TYW1: variants seen among roughly 807,000 people sequenced by gnomAD.
TYW1 encodes S-adenosyl-L-methionine-dependent tRNA 4-demethylwyosine synthase TYW1.
In TYW1, 46 loss-of-function variants were observed where a neutral mutation model predicts 96.2. The ratio of observed to expected loss-of-function variants is 0.48; its 90% CI spans 0.38 to 0.61. The LOEUF is 0.61. Ranked by LOEUF, TYW1 falls within the 20% of genes least tolerant of loss-of-function variation. TYW1 has a pLI of 0.00. For missense variants in TYW1, 684 were observed against 909.6 expected (o/e 0.75, Z 3.19); for synonymous variants, 274 against 323.0 (o/e 0.85, Z 1.63).
In TYW1 at chr7:67,038,128, C is replaced by A. The variant is rs528680874; in HGVS notation, c.985-11821C>A. On this transcript the variant is annotated intron_variant, in intron 7 of 15. Transcript: ENST00000359626. The stretch of plus-strand genomic sequence containing the variant: ...CCAGCCTGGCTAACATGGTGAAACC[C>A]TGTCTCTACTAAAAAAATATAAAAA... 9.4e-4 allele frequency among the ~76,000 whole-genome samples: 143 copies of A among 151,652 alleles called. 1 individual carries two copies. The highest frequency in any genetic ancestry group is 3.3e-3 in the African/African-American group (138 of 41,382).
At chr7:67,222,802 C>T (rs1801433261) in intron 15 of TYW1, among the ~76,000 whole-genome samples, 1 of 151,360 alleles carries the variant, frequency 6.6e-6, no homozygotes, top group Non-Finnish European at 1.5e-5. Context: ...TCTGAGATTG[C>T]CACGTGCAAA....
intron 13 of TYW1, among the ~76,000 whole-genome samples, chr7:67,148,454 G>T (rs1346900468): frequency 2.8e-5 from 4 of 140,678 alleles, no homozygotes; most frequent in Non-Finnish European, 3.0e-5. Flanking sequence ...TTGAGATGGA[G>T]TCTTGCTGTC....
intron 15 of TYW1, among the ~76,000 whole-genome samples, chr7:67,215,167 CCTGT>C (rs1329066788): frequency 6.6e-6 from 1 of 150,854 alleles, no homozygotes; most frequent in Admixed American, 6.6e-5. Context: ...CTCACCTCCA[CCTGT>C]CTGTCTGTCT....
chr7:67,030,878 G>C (rs1479434935), intron 7 of TYW1, among the ~76,000 whole-genome samples: 5 of 151,710 alleles, frequency 3.3e-5, no homozygotes, highest in Non-Finnish European at 5.9e-5. Context: ...ATGAATGAAC[G>C]TAATAGATTA....
At chr7:67,158,031 A>T (rs1171097824) in intron 13 of TYW1, among the ~76,000 whole-genome samples, 3 of 147,986 alleles carry the variant, frequency 2.0e-5, no homozygotes, top group Admixed American at 6.7e-5. Flanking sequence ...TTTTCTGTAG[A>T]TATTTTTTAT....
At chr7:66,997,108 C>T (rs1793193824) in intron 1 of TYW1, 126 bp downstream of exon 1, 3 of 1,534,514 alleles carry the variant, frequency 2.0e-6, no homozygotes, top group East Asian at 2.4e-5. Flanking sequence ...TTGACAGCAC[C>T]GGCTAGTCGC....
At chr7:67,214,628 A>G (rs896585591) in intron 15 of TYW1, among the ~76,000 whole-genome samples, 3 of 152,202 alleles carry the variant, frequency 2.0e-5, no homozygotes, top group African/African-American at 7.2e-5. Flanking sequence ...TGATGTTAGC[A>G]GAAGGCTTTT....
At chr7:67,097,859 T>G (rs1796967659) in intron 11 of TYW1, among the ~76,000 whole-genome samples, 1 of 75,548 alleles carries the variant, frequency 1.3e-5, no homozygotes, top group African/African-American at 7.8e-5. Flanking sequence ...TGCCCAGCTA[T>G]TTTTTTTTTT....
chr7:67,166,332 AAT>A (rs1171964659), intron 13 of TYW1, among the ~76,000 whole-genome samples: 10 of 109,418 alleles, frequency 9.1e-5, no homozygotes, highest in East Asian at 8.2e-4. Flanking sequence ...TAACATATAT[AAT>A]ATATATAATA....
chr7:67,218,559 A>G (rs186334301), intron 15 of TYW1, among the ~76,000 whole-genome samples: 9 of 152,044 alleles, frequency 5.9e-5, no homozygotes, highest in African/African-American at 1.9e-4. Flanking sequence ...TACCATGTTG[A>G]CCAGACTTAC....
At chr7:67,235,893 C>CAACAA (rs1801868386) in intron 15 of TYW1, among the ~76,000 whole-genome samples, 1 of 69,564 alleles carries the variant, frequency 1.4e-5, no homozygotes, top group African/African-American at 5.7e-5. Flanking sequence ...GACTCTGTCT[C>CAACAA]AAAAAAAAAA....
intron 12 of TYW1, among the ~76,000 whole-genome samples, chr7:67,103,477 A>G (rs1403454551): frequency 2.0e-5 from 3 of 152,250 alleles, no homozygotes; most frequent in Non-Finnish European, 4.4e-5. Context: ...ACTCTGGGCT[A>G]TAGAATAGTG....
intron 13 of TYW1, among the ~76,000 whole-genome samples, chr7:67,160,081 C>T (rs551530994): frequency 6.6e-6 from 1 of 152,260 alleles, no homozygotes. Context: ...GGATTACAGA[C>T]ATGAGCCACC....
intron 7 of TYW1, among the ~76,000 whole-genome samples, chr7:67,032,899 T>C (rs1464774498): frequency 1.2e-4 from 15 of 128,864 alleles, no homozygotes; most frequent in Non-Finnish European, 2.0e-4. Flanking sequence ...TTTTTTTTTT[T>C]TTTTTTTTTT....
intron 15 of TYW1, among the ~76,000 whole-genome samples, chr7:67,226,652 C>T (rs542661268): frequency 1.3e-5 from 2 of 152,254 alleles, no homozygotes; most frequent in South Asian, 2.1e-4. Flanking sequence ...TCCAGTCTCC[C>T]GCACAGCTGG....
chr7:67,156,695 C>G (rs1798985666), intron 13 of TYW1, among the ~76,000 whole-genome samples: 1 of 152,008 alleles, frequency 6.6e-6, no homozygotes, highest in African/African-American at 2.4e-5. Flanking sequence ...CAGCAGGGCT[C>G]CAGAGATGTG....
intron 13 of TYW1, among the ~76,000 whole-genome samples, chr7:67,160,892 T>C (rs1330466985): frequency 1.3e-5 from 2 of 151,906 alleles, no homozygotes; most frequent in African/African-American, 4.8e-5. Flanking sequence ...GTGCCCGGCC[T>C]CTCTATTTCT....
intron 13 of TYW1, among the ~76,000 whole-genome samples, chr7:67,134,348 G>T (rs1284751796): frequency 6.6e-6 from 1 of 151,980 alleles, no homozygotes; most frequent in Non-Finnish European, 1.5e-5. Context: ...TTCGAGACCA[G>T]CCTGGACAAC....
intron 9 of TYW1, among the ~76,000 whole-genome samples, chr7:67,060,068 C>T (rs1364244044): frequency 3.6e-5 from 5 of 139,412 alleles, no homozygotes; most frequent in South Asian, 2.3e-4. Context: ...CCACCGTGCC[C>T]GGCCCTGTAG....
Sources: allele counts gnomAD v4.1 joint callset (sites outside exome capture counted in the v4.1 genomes callset), GRCh38; gene constraint gnomAD v4.1.1; transcripts MANE v1.5; gene names NCBI Gene and HGNC (gene_info 2026-07-23, HGNC 2026-07-21).